DYRK1A: variants seen among roughly 807,000 people sequenced by gnomAD.
DYRK1A encodes the protein dual specificity tyrosine-phosphorylation-regulated kinase 1A.
DYRK1A carries 9 observed loss-of-function variants against 79.7 expected under a neutral mutation model. The observed-to-expected ratio is 0.11, with a 90% confidence interval of 0.07 to 0.20. The LOEUF (loss-of-function observed/expected upper bound fraction) is 0.20, where lower values mean the gene tolerates loss of function less well. Among genes scored for constraint, DYRK1A ranks in the 10% least tolerant of loss-of-function variants. The pLI is 1.00. For synonymous variants in DYRK1A, 349 were observed against 329.7 expected (o/e 1.06, Z -0.63); for missense variants, 622 against 956.0 (o/e 0.65, Z 4.61).
chr21:37,379,368 G>T (rs965896771), intron 1 of DYRK1A, among the ~76,000 whole-genome samples: 2 of 152,192 alleles, frequency 1.3e-5, no homozygotes, highest in African/African-American at 4.8e-5. Flanking sequence ...AGACCAAAGT[G>T]AGTATTTCTG....
Position 37,523,778 on chromosome 21 carries a change from G to A in DYRK1A, c.*11247G>A, listed in dbSNP as rs1156534356. The A allele has an allele frequency of 6.6e-6, 1 of 152,202 alleles. No individual in the cohort carries two copies. The highest frequency in any genetic ancestry group is 6.5e-5 in the Admixed American group (1 of 15,282). The allele number at this position is 152,202 out of a possible 1,614,324, so 9.4% of individuals were successfully genotyped here. On this transcript the variant is annotated 3_prime_UTR_variant, in exon 12 of 12. Coordinates refer to ENST00000647188, the MANE Select transcript of DYRK1A (RefSeq NM_001347721.2). The stretch of plus-strand genomic sequence containing the variant: ...AATTATATGACATTTGAATTTCAGT[G>A]TCCATAAATGAAGTTTTATTGGAAC...
intron 2 of DYRK1A, among the ~76,000 whole-genome samples, chr21:37,423,218 A>G (rs2050524428): frequency 6.6e-6 from 1 of 152,120 alleles, no homozygotes; most frequent in Non-Finnish European, 1.5e-5. Flanking sequence ...CTTTACCTGT[A>G]GGCAGAGGTT....
intron 2 of DYRK1A, among the ~76,000 whole-genome samples, chr21:37,422,648 T>TA (rs1296742196): frequency 2.6e-5 from 4 of 152,120 alleles, no homozygotes; most frequent in African/African-American, 7.2e-5. Context: ...AGTGAACACT[T>TA]AAGAGTAGGT....
chr21:37,497,016 T>A (rs897965870), intron 9 of DYRK1A, among the ~76,000 whole-genome samples: 1 of 152,232 alleles, frequency 6.6e-6, no homozygotes, highest in Non-Finnish European at 1.5e-5. Flanking sequence ...ATGAATGTAA[T>A]GTATAAATAT....
At chr21:37,388,331 A>T (rs1012932450) in intron 1 of DYRK1A, among the ~76,000 whole-genome samples, 22 of 151,746 alleles carry the variant, frequency 1.4e-4, no homozygotes, top group African/African-American at 5.3e-4. Context: ...CAGTCCACCC[A>T]CCTTGGCTTC....
intron 1 of DYRK1A, among the ~76,000 whole-genome samples, chr21:37,408,833 A>G (rs1480586884): frequency 2.0e-5 from 3 of 152,206 alleles, no homozygotes; most frequent in African/African-American, 7.2e-5. Flanking sequence ...TTACTCCTGT[A>G]TTGACAGTCA....
chr21:37,401,504 C>CAA (rs1399708019), intron 1 of DYRK1A, among the ~76,000 whole-genome samples: 1 of 137,376 alleles, frequency 7.3e-6, no homozygotes, highest in East Asian at 2.1e-4. Context: ...TTTTGGGAGA[C>CAA]AGAGTTTCGC....
intron 1 of DYRK1A, among the ~76,000 whole-genome samples, chr21:37,380,156 G>T (rs1355887080): frequency 6.6e-6 from 1 of 151,986 alleles, no homozygotes; most frequent in Non-Finnish European, 1.5e-5. Context: ...AGTTTGTTTG[G>T]ATAAAAATAG....
At chr21:37,495,155 TG>T (rs1234177638) in intron 8 of DYRK1A, among the ~76,000 whole-genome samples, 26 of 4,208 alleles carry the variant, frequency 6.2e-3, no homozygotes, top group African/African-American at 0.011. Flanking sequence ...TGGGATTTTG[TG>T]TGTGTGTGTG....
chr21:37,442,978 C>T (rs1046753129), intron 2 of DYRK1A, among the ~76,000 whole-genome samples: 1 of 152,044 alleles, frequency 6.6e-6, no homozygotes, highest in African/African-American at 2.4e-5. Context: ...CTGGGACCTA[C>T]AGGCATGCAC....
At chr21:37,401,221 C>T (rs560739931) in intron 1 of DYRK1A, among the ~76,000 whole-genome samples, 4 of 152,076 alleles carry the variant, frequency 2.6e-5, no homozygotes, top group Non-Finnish European at 5.9e-5. Context: ...TAATTTTGGA[C>T]TGGTCTAATA....
At chr21:37,464,178 A>G (rs1375899684) in intron 2 of DYRK1A, 1 of 348,542 alleles carries the variant, frequency 2.9e-6, no homozygotes, top group African/African-American at 2.2e-5. Flanking sequence ...TGCTTTTTGT[A>G]TTTGCTGTTT....
intron 8 of DYRK1A, among the ~76,000 whole-genome samples, chr21:37,494,280 G>A (rs1192016112): frequency 6.6e-6 from 1 of 150,724 alleles, no homozygotes; most frequent in African/African-American, 2.4e-5. Context: ...AAATCTTACT[G>A]TGTAAATTAG....
chr21:37,411,898 A>G (rs2050252684), intron 1 of DYRK1A, among the ~76,000 whole-genome samples: 2 of 152,128 alleles, frequency 1.3e-5, no homozygotes, highest in African/African-American at 4.8e-5. Context: ...TTATCTGCAT[A>G]TTGCTTTACA....
At chr21:37,412,867 G>A (rs1352658214) in intron 1 of DYRK1A, among the ~76,000 whole-genome samples, 1 of 152,184 alleles carries the variant, frequency 6.6e-6, no homozygotes, top group Non-Finnish European at 1.5e-5. Context: ...CCAACAGCTT[G>A]TTAGACTAGA....
chr21:37,436,530 C>A (rs1443500656), intron 2 of DYRK1A, among the ~76,000 whole-genome samples: 1 of 152,122 alleles, frequency 6.6e-6, no homozygotes, highest in Non-Finnish European at 1.5e-5. Flanking sequence ...GACTCTTTTG[C>A]CTTCTTTTGT....
intron 1 of DYRK1A, among the ~76,000 whole-genome samples, chr21:37,388,122 T>TAA (rs1555951502): frequency 2.5e-4 from 37 of 147,914 alleles, no homozygotes; most frequent in Non-Finnish European, 5.1e-4. Flanking sequence ...TTTTTTTTTT[T>TAA]ACTCTTGCCC....
chr21:37,454,694 G>C (rs2051576543), intron 2 of DYRK1A, among the ~76,000 whole-genome samples: 1 of 152,122 alleles, frequency 6.6e-6, no homozygotes, highest in African/African-American at 2.4e-5. Flanking sequence ...ATTGTTACTT[G>C]AGATAAAATA....
intron 1 of DYRK1A, among the ~76,000 whole-genome samples, chr21:37,404,715 A>G (rs1358634898): frequency 1.3e-5 from 2 of 152,200 alleles, no homozygotes; most frequent in Admixed American, 6.5e-5. Flanking sequence ...ATTGTCAGAA[A>G]ACAGTTGGCG....
Sources: allele counts gnomAD v4.1 joint callset (sites outside exome capture counted in the v4.1 genomes callset), GRCh38; gene constraint gnomAD v4.1.1; transcripts MANE v1.5; gene names NCBI Gene and HGNC (gene_info 2026-07-23, HGNC 2026-07-21).